The following AMDHD1 variants were observed in gnomAD, a reference collection of about 807,000 sequenced individuals.
The protein encoded by AMDHD1 is amidohydrolase domain containing 1.
AMDHD1 carries 45 observed loss-of-function variants against 44.1 expected under a neutral mutation model. The observed-to-expected ratio is 1.02, with a 90% CI of 0.80 to 1.31. The LOEUF (loss-of-function observed/expected upper bound fraction) is 1.31, where lower values mean the gene tolerates loss of function less well. Ranked by LOEUF, AMDHD1 falls within the 50% of genes most tolerant of loss-of-function variation. The probability of loss-of-function intolerance (pLI) is 0.00; values close to 1 mark genes in which losing one functional copy is unlikely to be tolerated. For synonymous variants in AMDHD1, 206 were observed against 205.0 expected, an observed-to-expected ratio of 1.00 and a Z score of -0.04; for missense variants, 586 against 552.1, an observed-to-expected ratio of 1.06 and a Z score of -0.61.
chr12:95,959,604 C>G (rs1287550525), intron 4 of AMDHD1, among the ~76,000 whole-genome samples: 1 of 151,752 alleles, frequency 6.6e-6, no homozygotes. Flanking sequence ...ATTTCACAGC[C>G]TCCTACTATC....
At chr12:95,961,368 T>G (rs895555094) in intron 5 of AMDHD1, among the ~76,000 whole-genome samples, 8 of 152,148 alleles carry the variant, frequency 5.3e-5, no homozygotes, top group African/African-American at 1.4e-4. Flanking sequence ...TCAAATTAAT[T>G]CACTTATTCA....
rs1251739752 is a variant in AMDHD1, at chr12:95,954,933, T to C, written c.267T>C (p.His89=). The C allele has an allele frequency of 1.2e-6, 2 of 1,614,122 alleles. No homozygotes were observed. The highest frequency in any genetic ancestry group is 1.7e-6 in the Non-Finnish European group (2 of 1,180,020). The part of the protein sequence containing the change: ...ILPGLVDAHT[H]PVWAGERVHE... ...TAGGTTTGGTGGATGCACACACACA[T>C]CCAGTATGGGCTGGTGAAAGAGTTC... The change falls in exon 3 of 9, where the codon CAT becomes CAC. Residue 89 remains histidine (H), a synonymous_variant. Coordinates refer to ENST00000266736, the MANE Select transcript of AMDHD1 (RefSeq NM_152435.3).
At chr12:95,949,884 G>A (rs2080518734) in intron 1 of AMDHD1, among the ~76,000 whole-genome samples, 1 of 152,152 alleles carries the variant, frequency 6.6e-6, no homozygotes, top group South Asian at 2.1e-4. Context: ...ATAAGCCTTT[G>A]TTCAAACATA....
At chr12:95,943,562 G>C (rs1488517053) in intron 1 of AMDHD1, 27 bp downstream of exon 1, 17 of 1,418,518 alleles carry the variant, frequency 1.2e-5, no homozygotes, top group South Asian at 1.5e-5. Context: ...GCAGGGTGGG[G>C]ACCGCCACGG....
At chr12:95,953,734 T>C (rs2080535596) in intron 2 of AMDHD1, among the ~76,000 whole-genome samples, 1 of 152,044 alleles carries the variant, frequency 6.6e-6, no homozygotes, top group Non-Finnish European at 1.5e-5. Context: ...GCATGCACCA[T>C]CATGCCTGGC....
chr12:95,965,160 G>A (rs777557477), intron 6 of AMDHD1, among the ~76,000 whole-genome samples: 13 of 151,730 alleles, frequency 8.6e-5, no homozygotes, highest in Non-Finnish European at 1.6e-4. Context: ...TTACCTGGGC[G>A]TGGTGGTGGG....
intron 6 of AMDHD1, 80 bp from the exon 7 acceptor site, chr12:95,965,606 T>C: frequency 2.3e-6 from 2 of 873,962 alleles, no homozygotes; most frequent in Non-Finnish European, 3.6e-6. Context: ...GTTGACTGTC[T>C]CAAGTTCTCT....
intron 4 of AMDHD1, among the ~76,000 whole-genome samples, chr12:95,958,774 G>T (rs535196701): frequency 6.6e-6 from 1 of 152,304 alleles, no homozygotes; most frequent in Admixed American, 6.5e-5. Context: ...AACTTGCGCA[G>T]GCAGGGCACG....
chr12:95,956,453 T>C (rs1468474355), intron 3 of AMDHD1, among the ~76,000 whole-genome samples: 1 of 152,074 alleles, frequency 6.6e-6, no homozygotes. Context: ...ATCTCCCATC[T>C]CTACCACTCC....
intron 1 of AMDHD1, among the ~76,000 whole-genome samples, chr12:95,950,715 T>C (rs1390644041): frequency 1.3e-5 from 2 of 152,158 alleles, no homozygotes; most frequent in Non-Finnish European, 2.9e-5. Flanking sequence ...CCATCTCTAG[T>C]TGTGGTGTCT....
chr12:95,950,607 A>G (rs911990613), intron 1 of AMDHD1, among the ~76,000 whole-genome samples: 5 of 152,178 alleles, frequency 3.3e-5, no homozygotes, highest in African/African-American at 4.8e-5. Context: ...GTTGATTGCA[A>G]TACTCCATGG....
At chr12:95,957,840 C>G (rs1194538380) in intron 4 of AMDHD1, among the ~76,000 whole-genome samples, 4 of 152,116 alleles carry the variant, frequency 2.6e-5, no homozygotes, top group African/African-American at 9.7e-5. Flanking sequence ...ATCGCTTGAG[C>G]TCAGGAGTTT....
chr12:95,949,777 G>C (rs1027652794), intron 1 of AMDHD1, among the ~76,000 whole-genome samples: 5 of 152,116 alleles, frequency 3.3e-5, no homozygotes, highest in Admixed American at 2.0e-4. Flanking sequence ...ATGTATCTTT[G>C]TAATTTTAAT....
intron 1 of AMDHD1, among the ~76,000 whole-genome samples, chr12:95,951,217 C>T (rs1459772692): frequency 6.6e-6 from 1 of 152,142 alleles, no homozygotes; most frequent in African/African-American, 2.4e-5. Flanking sequence ...CATTAACAAT[C>T]CCCATTTTTC....
intron 1 of AMDHD1, among the ~76,000 whole-genome samples, chr12:95,947,960 G>A (rs1241057993): frequency 1.9e-4 from 25 of 135,092 alleles, no homozygotes; most frequent in Non-Finnish European, 2.6e-4. Context: ...CCCCCCGCCC[G>A]GCCAGCCGCC....
At chr12:95,952,579 A>G (rs766789189) in intron 1 of AMDHD1, 138 bp from the exon 2 acceptor site, 21 of 593,238 alleles carry the variant, frequency 3.5e-5, no homozygotes, top group Non-Finnish European at 5.3e-5. Flanking sequence ...ACGCTTTTCC[A>G]GACTCAGGTT....
At chr12:95,965,039 C>T (rs1179680412) in intron 6 of AMDHD1, among the ~76,000 whole-genome samples, 1 of 151,070 alleles carries the variant, frequency 6.6e-6, no homozygotes, top group East Asian at 2.0e-4. Context: ...TGGCTCATGC[C>T]TGTAATCCCA....
At chr12:95,953,137 C>T (rs1390294329) in intron 2 of AMDHD1, among the ~76,000 whole-genome samples, 1 of 152,188 alleles carries the variant, frequency 6.6e-6, no homozygotes, top group Non-Finnish European at 1.5e-5. Context: ...CAAGCCCATT[C>T]ATTCGACTCC....
At chr12:95,948,309 G>A (rs2080509658) in intron 1 of AMDHD1, among the ~76,000 whole-genome samples, 1 of 99,508 alleles carries the variant, frequency 1.0e-5, no homozygotes, top group Admixed American at 9.7e-5. Flanking sequence ...CGGGAGGGAG[G>A]TGGGGGGGTC....
Sources: allele counts gnomAD v4.1 joint callset (sites outside exome capture counted in the v4.1 genomes callset), GRCh38; gene constraint gnomAD v4.1.1; transcripts MANE v1.5; gene names NCBI Gene and HGNC (gene_info 2026-07-23, HGNC 2026-07-21).